SEZ6L: variants seen among roughly 807,000 people sequenced by gnomAD.
SEZ6L encodes the protein seizure 6-like protein.
A neutral mutation model predicts 106.2 loss-of-function variants in SEZ6L; 37 were observed. The observed-to-expected ratio is 0.35, with a 90% CI of 0.27 to 0.46. The LOEUF is 0.46. Ranked by LOEUF, SEZ6L falls within the 20% of genes least tolerant of loss-of-function variation. The pLI is 1.00. For missense variants in SEZ6L, 1,172 were observed against 1,332.8 expected, an observed-to-expected ratio of 0.88 and a Z score of 1.88; for synonymous variants, 541 against 570.4, an observed-to-expected ratio of 0.95 and a Z score of 0.73.
chr22:26,192,799 CAG>C (rs1442087442), intron 1 of SEZ6L, among the ~76,000 whole-genome samples: 1 of 152,126 alleles, frequency 6.6e-6, no homozygotes, highest in African/African-American at 2.4e-5. Context: ...TGAAGACAGA[CAG>C]ATTATGCAAA....
At chr22:26,264,508 C>G (rs2080115127) in intron 1 of SEZ6L, among the ~76,000 whole-genome samples, 3 of 152,098 alleles carry the variant, frequency 2.0e-5, no homozygotes, top group Admixed American at 2.0e-4. Context: ...CAAAATTTGA[C>G]CTTTTTAAAG....
chr22:26,354,595 C>T (rs2083380071), intron 12 of SEZ6L, among the ~76,000 whole-genome samples: 1 of 152,204 alleles, frequency 6.6e-6, no homozygotes, highest in African/African-American at 2.4e-5. Flanking sequence ...ACTTTAGTAA[C>T]TCCAGCTGCA....
At chr22:26,247,118 G>T (rs373353945) in intron 1 of SEZ6L, among the ~76,000 whole-genome samples, 1 of 152,164 alleles carries the variant, frequency 6.6e-6, no homozygotes, top group Non-Finnish European at 1.5e-5. Context: ...TGAAATGACT[G>T]CCTGGCTGTG....
At chr22:26,372,452 G>A (rs959382260) in intron 13 of SEZ6L, among the ~76,000 whole-genome samples, 7 of 152,142 alleles carry the variant, frequency 4.6e-5, no homozygotes, top group Non-Finnish European at 1.0e-4. Flanking sequence ...TGTGCACTTA[G>A]TTAGCCAGCT....
rs141872391 is a variant in SEZ6L at position 26,254,698 on chromosome 22, C to T, written c.95-37708C>T. Among the ~76,000 whole-genome samples, 330 of 152,234 alleles carry T rather than the reference C, an allele frequency of 2.2e-3. 1 individual carries two copies. Among genetic ancestry groups the T allele is most frequent in the African/African-American group, 7.7e-3 (318 of 41,526 alleles). ...GAGTGCTCTACAGACAGTACTATCG[C>T]CATTAATTCTTCCTCTCTACTAGCA... On this transcript the variant is annotated intron_variant, in intron 1 of 16. Coordinates refer to ENST00000248933, the MANE Select transcript of SEZ6L (RefSeq NM_021115.5).
chr22:26,369,860 G>T (rs1053913473), intron 13 of SEZ6L, among the ~76,000 whole-genome samples: 1 of 151,840 alleles, frequency 6.6e-6, no homozygotes. Context: ...CAAGGGATCT[G>T]TCCACCTCAG....
At chr22:26,336,861 A>G (rs2082661211) in intron 9 of SEZ6L, among the ~76,000 whole-genome samples, 1 of 152,184 alleles carries the variant, frequency 6.6e-6, no homozygotes, top group Non-Finnish European at 1.5e-5. Flanking sequence ...CCCCTAGTTG[A>G]AAACCACTGA....
In SEZ6L at chr22:26,207,448, G is replaced by T. The variant is rs73417529; in HGVS notation, c.94+37685G>T. ...TACAAAGTTGTTATCAGGATCAGAT[G>T]AAATAATTCACGTAAAGTACCTGGC... On this transcript the variant is annotated intron_variant, in intron 1 of 16. Transcript: ENST00000248933. 6.5e-3 allele frequency among the ~76,000 whole-genome samples: 994 copies of T among 152,244 alleles called. 16 individuals carry two copies. The highest frequency in any genetic ancestry group is 0.023 in the African/African-American group (946 of 41,544).
At chr22:26,212,908 G>A (rs1346030515) in intron 1 of SEZ6L, among the ~76,000 whole-genome samples, 1 of 152,214 alleles carries the variant, frequency 6.6e-6, no homozygotes, top group Non-Finnish European at 1.5e-5. Flanking sequence ...CAGCCTTGGG[G>A]TCAGAACTCC....
At chr22:26,274,190 T>C (rs1398232361) in intron 1 of SEZ6L, among the ~76,000 whole-genome samples, 1 of 152,192 alleles carries the variant, frequency 6.6e-6, no homozygotes, top group Non-Finnish European at 1.5e-5. Context: ...TCCTCTTTTG[T>C]AAAATGTGGG....
At chr22:26,195,903 T>C (rs1021969286) in intron 1 of SEZ6L, among the ~76,000 whole-genome samples, 1 of 152,108 alleles carries the variant, frequency 6.6e-6, no homozygotes, top group African/African-American at 2.4e-5. Flanking sequence ...CTATGAGGCA[T>C]TGACCTTTAA....
intron 1 of SEZ6L, among the ~76,000 whole-genome samples, chr22:26,291,190 C>T (rs1297221106): frequency 6.6e-6 from 1 of 152,208 alleles, no homozygotes; most frequent in East Asian, 1.9e-4. Context: ...TGGAATCAAC[C>T]TAATGCCCAT....
At chr22:26,189,301 C>T (rs1225103132) in intron 1 of SEZ6L, among the ~76,000 whole-genome samples, 57 of 152,186 alleles carry the variant, frequency 3.7e-4, no homozygotes, top group Non-Finnish European at 4.1e-4. Flanking sequence ...TTTATGTTTC[C>T]TGGCTGGGAT....
Position 26,232,553 on chromosome 22 carries a change from T to C in SEZ6L, c.95-59853T>C, listed in dbSNP as rs182076648. Among the ~76,000 whole-genome samples, 8 of 152,264 alleles carry C rather than the reference T, an allele frequency of 5.3e-5. 1 individual carries two copies. The highest frequency in any genetic ancestry group is 6.5e-5 in the Admixed American group (1 of 15,294). On this transcript the variant is annotated intron_variant, in intron 1 of 16. Coordinates refer to ENST00000248933, the MANE Select transcript of SEZ6L (RefSeq NM_021115.5). ...CAATGGGGATCTCATCACATTATAA[T>C]ACCATATTTTCACCGCACCTTTTTC...
At chr22:26,215,620 G>T (rs2078278084) in intron 1 of SEZ6L, among the ~76,000 whole-genome samples, 1 of 151,998 alleles carries the variant, frequency 6.6e-6, no homozygotes, top group Admixed American at 6.6e-5. Flanking sequence ...AGCTGTGAGA[G>T]GTAAAGAGAA....
chr22:26,347,655 A>T (rs539402953), intron 10 of SEZ6L, 64 bp from the exon 11 acceptor site: 1 of 1,414,082 alleles, frequency 7.1e-7, no homozygotes, highest in African/African-American at 1.5e-5. Context: ...TCTAGCCGTC[A>T]TAAAAGGAGG....
intron 1 of SEZ6L, among the ~76,000 whole-genome samples, chr22:26,247,440 C>T (rs1308103217): frequency 1.3e-5 from 2 of 152,088 alleles, no homozygotes; most frequent in East Asian, 1.9e-4. Flanking sequence ...TGGGGTGGGC[C>T]TTAAGTCCAA....
At chr22:26,348,600 GAA>G (rs1309634366) in intron 11 of SEZ6L, among the ~76,000 whole-genome samples, 3 of 65,526 alleles carry the variant, frequency 4.6e-5, no homozygotes, top group African/African-American at 9.4e-5. Context: ...AAGAAAGAAA[GAA>G]AGAAAGAGAA....
At chr22:26,367,345 G>T (rs2083853311) in intron 13 of SEZ6L, among the ~76,000 whole-genome samples, 1 of 151,878 alleles carries the variant, frequency 6.6e-6, no homozygotes, top group Non-Finnish European at 1.5e-5. Flanking sequence ...GTTTGTTTTT[G>T]TTTGTTTGTT....
Sources: allele counts gnomAD v4.1 joint callset (sites outside exome capture counted in the v4.1 genomes callset), GRCh38; gene constraint gnomAD v4.1.1; transcripts MANE v1.5; gene names NCBI Gene and HGNC (gene_info 2026-07-23, HGNC 2026-07-21).